LRRC28: variants seen among roughly 807,000 people sequenced by gnomAD.
LRRC28 encodes the protein leucine-rich repeat-containing protein 28.
Under a neutral mutation model 45.7 loss-of-function variants are expected in LRRC28, and 39 were observed. That is an observed-to-expected ratio of 0.85 (90% CI 0.66 to 1.12). The LOEUF (loss-of-function observed/expected upper bound fraction) is 1.12. Ranked by LOEUF, LRRC28 falls within the 50% of genes most tolerant of loss-of-function variation. The probability of loss-of-function intolerance (pLI) is 0.00; values close to 1 mark genes in which losing one functional copy is unlikely to be tolerated. For synonymous variants in LRRC28, 206 were observed against 178.8 expected (o/e 1.15, Z -1.22); for missense variants, 435 against 438.5 (o/e 0.99, Z 0.07).
chr15:99,334,529 G>A (rs1482652618), intron 6 of LRRC28, among the ~76,000 whole-genome samples: 1 of 150,770 alleles, frequency 6.6e-6, no homozygotes, highest in African/African-American at 2.4e-5. Context: ...ATTGGTATTG[G>A]GTATCCTAAT....
chr15:99,381,849 A>G (rs909479427), intron 9 of LRRC28, among the ~76,000 whole-genome samples: 2 of 152,218 alleles, frequency 1.3e-5, no homozygotes. Context: ...AACAGCAAAT[A>G]TTGCTGAACA....
At chr15:99,295,977 T>C (rs2082251388) in intron 5 of LRRC28, among the ~76,000 whole-genome samples, 1 of 152,234 alleles carries the variant, frequency 6.6e-6, no homozygotes. Flanking sequence ...ACCTGAATTG[T>C]TGTGAAACCT....
intron 5 of LRRC28, among the ~76,000 whole-genome samples, chr15:99,307,624 T>C (rs993369568): frequency 6.6e-5 from 10 of 152,206 alleles, no homozygotes; most frequent in South Asian, 2.1e-4. Flanking sequence ...ATTTACCTTC[T>C]TCCTCATCTC....
intron 9 of LRRC28, among the ~76,000 whole-genome samples, chr15:99,384,018 T>C (rs1224912799): frequency 2.0e-5 from 3 of 152,348 alleles, no homozygotes; most frequent in African/African-American, 4.8e-5. Flanking sequence ...TCCGTTTCCA[T>C]GCGTGCCCTC....
chr15:99,273,851 C>T (rs2081548398), intron 2 of LRRC28, among the ~76,000 whole-genome samples: 1 of 152,218 alleles, frequency 6.6e-6, no homozygotes, highest in Admixed American at 6.5e-5. Context: ...GAAGGTCTAA[C>T]AGTCAAACAG....
intron 5 of LRRC28, among the ~76,000 whole-genome samples, chr15:99,301,596 A>C (rs530251443): frequency 6.6e-6 from 1 of 152,300 alleles, no homozygotes; most frequent in South Asian, 2.1e-4. Context: ...GTGGTAGGTA[A>C]ATTTTAACAT....
At chr15:99,368,713 T>C (rs1449351687) in intron 9 of LRRC28, among the ~76,000 whole-genome samples, 1 of 152,220 alleles carries the variant, frequency 6.6e-6, no homozygotes, top group Non-Finnish European at 1.5e-5. Flanking sequence ...GTATTTTTGC[T>C]GAAATAGTTG....
chr15:99,264,794 G>T (rs1361141084), intron 2 of LRRC28, among the ~76,000 whole-genome samples: 1 of 152,022 alleles, frequency 6.6e-6, no homozygotes, highest in Non-Finnish European at 1.5e-5. Context: ...CAGAGTAAAT[G>T]CTGATAGGAA....
rs188878985 is a variant in LRRC28, at chr15:99,294,699, G to A, written c.385+6748G>A. 1.8e-3 allele frequency among the ~76,000 whole-genome samples: 273 copies of A among 152,270 alleles called. 2 individuals carry two copies. Among genetic ancestry groups the A allele is most frequent in the South Asian group, 5.8e-3 (28 of 4,828 alleles). On this transcript the variant is annotated intron_variant, in intron 5 of 9. Transcript: ENST00000301981. ...AAGGGCACTAATTCCACTCATGAGC[G>A]TTTCACCCTTAGGACCTCCCAAAGG... is the stretch of plus-strand genomic sequence containing the variant.
rs67593137 is a variant in LRRC28, at chr15:99,288,371, CTTTTTTTTTTTTTTTTT to C, written c.385+433_385+449del. 3.3e-4 allele frequency among the ~76,000 whole-genome samples: 27 copies of C among 82,914 alleles called. No individual in the cohort carries two copies. The South Asian group carries it at 5.9e-3, about 18-fold the overall frequency. 54.4% of individuals were successfully genotyped at this position (82,914 alleles called of 152,430 possible). A position where few individuals can be genotyped will look rare whatever the true frequency, so the allele number is the denominator to read the frequency against. On this transcript the variant is annotated intron_variant, in intron 5 of 9. Coordinates refer to ENST00000301981, the MANE Select transcript of LRRC28 (RefSeq NM_144598.5). ...TAGTGAGGTAACTAATGTACATTAA[CTTTTTTTTTTTTTTTTT>C]TTTTTTTTTTTTGAGATAGAGTCTT...
chr15:99,327,344 T>C (rs7171970), intron 5 of LRRC28, among the ~76,000 whole-genome samples: 64,684 of 152,008 alleles, frequency 0.43, 14,387 homozygotes, highest in African/African-American at 0.57. Flanking sequence ...GCTGGGATTA[T>C]AGGTGTGAGC....
intron 9 of LRRC28, among the ~76,000 whole-genome samples, chr15:99,379,629 T>C (rs1365683154): frequency 3.9e-5 from 6 of 152,220 alleles, no homozygotes; most frequent in African/African-American, 1.4e-4. Flanking sequence ...TTAATTGTGA[T>C]GTTAGGGTGT....
intron 9 of LRRC28, among the ~76,000 whole-genome samples, chr15:99,377,265 G>A (rs1036063544): frequency 5.3e-5 from 8 of 151,768 alleles, no homozygotes; most frequent in African/African-American, 1.7e-4. Flanking sequence ...GTATCTCATT[G>A]TGGTTGTGAC....
chr15:99,350,499 C>G (rs1396214678), intron 6 of LRRC28, among the ~76,000 whole-genome samples: 1 of 152,206 alleles, frequency 6.6e-6, no homozygotes, highest in Non-Finnish European at 1.5e-5. Context: ...ACCAGCCTCT[C>G]TAATAGCAGT....
intron 9 of LRRC28, among the ~76,000 whole-genome samples, chr15:99,377,097 C>G (rs985618184): frequency 2.0e-4 from 31 of 152,134 alleles, no homozygotes; most frequent in South Asian, 6.2e-4. Flanking sequence ...ATTTCTAGTT[C>G]TAGATCCTTG....
At chr15:99,363,999 T>C (rs1321817861) in intron 9 of LRRC28, among the ~76,000 whole-genome samples, 1 of 152,208 alleles carries the variant, frequency 6.6e-6, no homozygotes, top group East Asian at 1.9e-4. Context: ...GTATTTCATA[T>C]GAGTAAATTT....
chr15:99,260,343 G>T (rs2081160141), intron 2 of LRRC28, among the ~76,000 whole-genome samples: 1 of 152,134 alleles, frequency 6.6e-6, no homozygotes, highest in South Asian at 2.1e-4. Flanking sequence ...TTTTATTTAT[G>T]AAAATAAGAA....
At chr15:99,291,177 A>G (rs1181887928) in intron 5 of LRRC28, among the ~76,000 whole-genome samples, 1 of 152,174 alleles carries the variant, frequency 6.6e-6, no homozygotes, top group Non-Finnish European at 1.5e-5. Flanking sequence ...ACTTTCACAT[A>G]ATTTATTTAT....
At chr15:99,291,828 T>G (rs2082129528) in intron 5 of LRRC28, among the ~76,000 whole-genome samples, 1 of 152,252 alleles carries the variant, frequency 6.6e-6, no homozygotes, top group African/African-American at 2.4e-5. Context: ...CACATTCTTG[T>G]CAACATTTGG....
Sources: allele counts gnomAD v4.1 joint callset (sites outside exome capture counted in the v4.1 genomes callset), GRCh38; gene constraint gnomAD v4.1.1; transcripts MANE v1.5; gene names NCBI Gene and HGNC (gene_info 2026-07-23, HGNC 2026-07-21).